The following HPSE2 variants were observed in gnomAD, a reference collection of about 807,000 sequenced individuals.
HPSE2 encodes inactive heparanase-2.
In HPSE2, 38 loss-of-function variants were observed where a neutral mutation model predicts 60.5. The observed-to-expected ratio is 0.63, with a 90% confidence interval of 0.48 to 0.82. The LOEUF (loss-of-function observed/expected upper bound fraction) is 0.82. HPSE2 is among the 40% of genes least tolerant of loss of function. The pLI is 0.00. For synonymous variants in HPSE2, 295 were observed against 293.2 expected (o/e 1.01, Z -0.06); for missense variants, 713 against 740.4 (o/e 0.96, Z 0.43).
At chr10:98,512,850 C>G (rs1319875139) in intron 9 of HPSE2, among the ~76,000 whole-genome samples, 3 of 151,722 alleles carry the variant, frequency 2.0e-5, no homozygotes, top group African/African-American at 7.3e-5. Flanking sequence ...CACAGGCACA[C>G]TTTGTTAACT....
chr10:99,165,961 T>C (rs943676987), intron 2 of HPSE2, among the ~76,000 whole-genome samples: 6 of 152,002 alleles, frequency 3.9e-5, no homozygotes, highest in African/African-American at 1.4e-4. Flanking sequence ...ACCCCTCCAT[T>C]CATCCTCATT....
At chr10:98,956,731 A>T (rs1955518561) in intron 3 of HPSE2, among the ~76,000 whole-genome samples, 1 of 152,152 alleles carries the variant, frequency 6.6e-6, no homozygotes, top group African/African-American at 2.4e-5. Flanking sequence ...GAACTTAGTC[A>T]CAGGGCCACA....
intron 2 of HPSE2, among the ~76,000 whole-genome samples, chr10:99,210,197 C>G (rs1589825137): frequency 6.6e-6 from 1 of 152,220 alleles, no homozygotes; most frequent in South Asian, 2.1e-4. Flanking sequence ...TTCCTAGACA[C>G]ACACAACCTA....
At chr10:99,272,269 CA>C in the HPSE2 span, among the ~76,000 whole-genome samples, 48 of 137,842 alleles carry the variant, frequency 3.5e-4, no homozygotes, top group East Asian at 4.2e-4. Flanking sequence ...GACTCCATCT[CA>C]AAAAAAAAAA....
chr10:98,525,199 C>T (rs1024265791), intron 9 of HPSE2, among the ~76,000 whole-genome samples: 5 of 152,098 alleles, frequency 3.3e-5, no homozygotes, highest in Non-Finnish European at 5.9e-5. Flanking sequence ...TTAGTAGAGA[C>T]GGGGTTTCAC....
intron 3 of HPSE2, among the ~76,000 whole-genome samples, chr10:99,105,776 T>C (rs939433143): frequency 2.0e-5 from 3 of 152,106 alleles, no homozygotes; most frequent in African/African-American, 4.8e-5. Flanking sequence ...ATGTCTATGG[T>C]CCATTTTGAG....
At chr10:98,807,872 G>A (rs1191000805) in intron 3 of HPSE2, among the ~76,000 whole-genome samples, 5 of 152,124 alleles carry the variant, frequency 3.3e-5, no homozygotes, top group African/African-American at 7.2e-5. Context: ...TTATTAAAGC[G>A]TACTGGTAGG....
intron 3 of HPSE2, among the ~76,000 whole-genome samples, chr10:98,889,165 A>G (rs1420297823): frequency 6.6e-6 from 1 of 151,630 alleles, no homozygotes; most frequent in African/African-American, 2.4e-5. Context: ...AGTTGATTGA[A>G]TCTTATAGAC....
intron 3 of HPSE2, among the ~76,000 whole-genome samples, chr10:98,997,235 C>T (rs1288510706): frequency 8.6e-5 from 13 of 151,634 alleles, no homozygotes; most frequent in African/African-American, 3.1e-4. Context: ...GCCTCAGCCT[C>T]CAGAGTAGCT....
intron 2 of HPSE2, among the ~76,000 whole-genome samples, chr10:99,208,370 G>C (rs1386117977): frequency 6.6e-6 from 1 of 152,106 alleles, no homozygotes; most frequent in African/African-American, 2.4e-5. Flanking sequence ...GAATGTAAAT[G>C]AATTACATTG....
At chr10:99,245,506 G>A in the HPSE2 span, among the ~76,000 whole-genome samples, 1 of 152,234 alleles carries the variant, frequency 6.6e-6, no homozygotes, top group Non-Finnish European at 1.5e-5. Context: ...CCCTAAGGGG[G>A]AAAATTATGC....
chr10:99,076,412 T>C (rs757933711), intron 3 of HPSE2, among the ~76,000 whole-genome samples: 1 of 152,162 alleles, frequency 6.6e-6, no homozygotes, highest in South Asian at 2.1e-4. Flanking sequence ...TTTTGATACA[T>C]AGTTTTGCTT....
chr10:99,219,611 A>C lies in HPSE2; in HGVS notation c.448+12737T>G, dbSNP rs140859971. 2.5e-3 allele frequency among the ~76,000 whole-genome samples: 385 copies of C among 152,296 alleles called. 2 individuals carry two copies. The highest frequency in any genetic ancestry group is 8.8e-3 in the African/African-American group (364 of 41,578). ...AATGTCATGCTTAAATGTATAAGTA[A>C]TGAGTTCTAATCCCAGCTCTTCTAC... On this transcript the variant is annotated intron_variant, in intron 2 of 11. Transcript: ENST00000370552.
chr10:98,905,299 A>G (rs1488731301), intron 3 of HPSE2, among the ~76,000 whole-genome samples: 9 of 148,140 alleles, frequency 6.1e-5, no homozygotes, highest in African/African-American at 2.2e-4. Flanking sequence ...TCCCAATGCT[A>G]TCCCTCCCCC....
At chr10:99,016,708 A>T (rs999592909) in intron 3 of HPSE2, among the ~76,000 whole-genome samples, 3 of 151,968 alleles carry the variant, frequency 2.0e-5, no homozygotes, top group African/African-American at 7.3e-5. Flanking sequence ...GATTTCTTTG[A>T]GCAGTGGTTT....
At chr10:99,132,146 G>GAAGAAGAAAGAAAGAAAGA (rs1564832315) in intron 3 of HPSE2, among the ~76,000 whole-genome samples, 12 of 28,550 alleles carry the variant, frequency 4.2e-4, no homozygotes, top group Non-Finnish European at 9.8e-4. Flanking sequence ...AGAAAGAAAG[G>GAAGAAGAAAGAAAGAAAGA]AAGAAAGAAA....
intron 3 of HPSE2, among the ~76,000 whole-genome samples, chr10:98,961,567 T>A (rs1955681756): frequency 1.7e-5 from 1 of 58,490 alleles, no homozygotes. Context: ...TTCATGTCCT[T>A]CGCCCACTTT....
At chr10:99,286,379 G>C in the HPSE2 span, among the ~76,000 whole-genome samples, 357 of 152,192 alleles carry the variant, frequency 2.3e-3, 1 homozygote, top group African/African-American at 8.1e-3. Flanking sequence ...CAATGGAATA[G>C]TCAGCCATAA....
At chr10:98,512,384 A>T (rs1349717891) in intron 9 of HPSE2, among the ~76,000 whole-genome samples, 2 of 152,152 alleles carry the variant, frequency 1.3e-5, no homozygotes, top group Non-Finnish European at 2.9e-5. Context: ...GATCGAGACC[A>T]TCCTGGCTAA....
Sources: allele counts gnomAD v4.1 joint callset (sites outside exome capture counted in the v4.1 genomes callset), GRCh38; gene constraint gnomAD v4.1.1; transcripts MANE v1.5; gene names NCBI Gene and HGNC (gene_info 2026-07-23, HGNC 2026-07-21).